Variants in EML6 observed in about 807,000 individuals in gnomAD.
The protein encoded by EML6 is echinoderm microtubule-associated protein-like 6.
In EML6, 154 loss-of-function variants were observed where a neutral mutation model predicts 240.1. That is an observed-to-expected ratio of 0.64 (90% CI 0.56 to 0.73). EML6 has a LOEUF of 0.73. Ranked by LOEUF, EML6 falls within the 30% of genes least tolerant of loss-of-function variation. The probability of loss-of-function intolerance (pLI) is 0.00; values close to 1 mark genes in which losing one functional copy is unlikely to be tolerated. For synonymous variants in EML6, 1,148 were observed against 899.0 expected, an observed-to-expected ratio of 1.28 and a Z score of -4.95; for missense variants, 2,964 against 2,474.6, an observed-to-expected ratio of 1.20 and a Z score of -4.20.
chr2:54,918,214 C>T (rs1481192794), intron 26 of EML6, among the ~76,000 whole-genome samples: 1 of 152,178 alleles, frequency 6.6e-6, no homozygotes, highest in South Asian at 2.1e-4. Context: ...CTCTCCCTTG[C>T]AGCATCATGT....
At chr2:54,761,956 A>C (rs1274244004) in intron 2 of EML6, among the ~76,000 whole-genome samples, 1 of 152,154 alleles carries the variant, frequency 6.6e-6, no homozygotes, top group Non-Finnish European at 1.5e-5. Flanking sequence ...AGTCACTTGT[A>C]TAACCACAGT....
chr2:54,762,456 G>A (rs1242264014), intron 2 of EML6, among the ~76,000 whole-genome samples: 1 of 152,026 alleles, frequency 6.6e-6, no homozygotes, highest in Admixed American at 6.6e-5. Context: ...TAATTATAGA[G>A]TAATTTGAGT....
intron 11 of EML6, 66 bp downstream of exon 11, chr2:54,853,921 G>C: frequency 2.0e-6 from 2 of 988,254 alleles, no homozygotes; most frequent in Non-Finnish European, 2.9e-6. Flanking sequence ...TACAATTAAG[G>C]CTGATCTTCC....
rs192538635 is a variant in EML6 at position 54,865,938 on chromosome 2, G to T, written c.1933-828G>T. On this transcript the variant is annotated intron_variant, in intron 13 of 41. Transcript: ENST00000356458. The stretch of plus-strand genomic sequence containing the variant: ...CAAGACTAGAATTCATTGCTCTAAA[G>T]TAAATAGTTGGTGAGCTGATGAAAG... Among the ~76,000 whole-genome samples the T allele has an allele frequency of 3.9e-3, 589 of 152,272 alleles. 5 individuals carry two copies. Among genetic ancestry groups the T allele is most frequent in the African/African-American group, 0.014 (571 of 41,546 alleles).
At position 54,869,351 on chromosome 2, in the gene EML6, A is replaced by T. The variant is rs201615199; in HGVS notation, c.2222A>T (p.Tyr741Phe). Reference sequence around the variant, plus strand: ...CTGACCATCCATCCAGTGAAGGACTATGTGGCTACTGGGCAGGTATCTATC... The same window carrying T: ...CTGACCATCCATCCAGTGAAGGACTTTGTGGCTACTGGGCAGGTATCTATC... Reference protein sequence around the residue: ...LSLTIHPVKDYVATGQVGRDA... With the variant: ...LSLTIHPVKDFVATGQVGRDA... Residue 741 changes from tyrosine to phenylalanine, a missense_variant, in exon 15 of 42, where the codon TAT becomes TTT. Tyr to Phe is a conservative substitution (Grantham distance 22). Coordinates refer to ENST00000356458, the MANE Select transcript of EML6 (RefSeq NM_001039753.4). 9.0e-6 allele frequency: 14 copies of T among 1,550,806 alleles called. No individual in the cohort carries two copies. The highest frequency in any genetic ancestry group is 1.2e-5 in the Non-Finnish European group (14 of 1,146,338).
At chr2:54,882,873 A>AAAAAAAAAAAAAAAAAAAAAAGAG (rs796515025) in intron 17 of EML6, 2 of 112,412 alleles carry the variant, frequency 1.8e-5, no homozygotes, top group Admixed American at 9.3e-5. Context: ...AAAAAAAAAA[A>AAAAAAAAAAAAAAAAAAAAAAGAG]AGAAAGCTTA....
chr2:54,740,799 G>C (rs2103646063), intron 2 of EML6, among the ~76,000 whole-genome samples: 1 of 151,994 alleles, frequency 6.6e-6, no homozygotes, highest in South Asian at 2.1e-4. Flanking sequence ...CTGCAGAGTA[G>C]ATATGAACAC....
At chr2:54,949,232 C>G (rs1675844417) in intron 29 of EML6, among the ~76,000 whole-genome samples, 1 of 152,156 alleles carries the variant, frequency 6.6e-6, no homozygotes, top group South Asian at 2.1e-4. Flanking sequence ...AAGCCTGGCT[C>G]CGTTTCCCTC....
chr2:54,745,558 C>A (rs926157118), intron 2 of EML6, among the ~76,000 whole-genome samples: 10 of 152,146 alleles, frequency 6.6e-5, no homozygotes, highest in African/African-American at 2.2e-4. Context: ...GGTAGGATCG[C>A]TCAAGCCCAA....
intron 2 of EML6, among the ~76,000 whole-genome samples, chr2:54,771,207 C>G (rs902409822): frequency 2.6e-5 from 4 of 152,180 alleles, no homozygotes; most frequent in Admixed American, 6.5e-5. Context: ...TTTAGGCTCT[C>G]TACCTTCTCA....
chr2:54,890,522 T>C (rs1672409416), intron 17 of EML6, among the ~76,000 whole-genome samples: 1 of 152,162 alleles, frequency 6.6e-6, no homozygotes, highest in Non-Finnish European at 1.5e-5. Context: ...CTCGAATCAA[T>C]AGAAGACATC....
chr2:54,862,795 C>A (rs1249092906), intron 12 of EML6, among the ~76,000 whole-genome samples: 2 of 152,206 alleles, frequency 1.3e-5, no homozygotes, highest in Non-Finnish European at 2.9e-5. Context: ...AAGGAAACCT[C>A]TATAAAACCA....
At chr2:54,860,976 TACAA>T (rs1335252436) in intron 12 of EML6, among the ~76,000 whole-genome samples, 1 of 152,188 alleles carries the variant, frequency 6.6e-6, no homozygotes, top group Non-Finnish European at 1.5e-5. Flanking sequence ...TAAATGGGTT[TACAA>T]ACACTTACAG....
intron 2 of EML6, among the ~76,000 whole-genome samples, chr2:54,801,709 C>A (rs546962713): frequency 1.3e-5 from 2 of 152,186 alleles, no homozygotes; most frequent in Non-Finnish European, 2.9e-5. Flanking sequence ...TGATTTTCTT[C>A]TGAACAAACT....
intron 17 of EML6, among the ~76,000 whole-genome samples, chr2:54,887,713 A>G (rs1015641574): frequency 2.5e-4 from 38 of 152,286 alleles, no homozygotes; most frequent in African/African-American, 8.2e-4. Flanking sequence ...TGTTTTTTCC[A>G]TATGGCTACC....
At chr2:54,944,412 A>G (rs923484416) in intron 28 of EML6, among the ~76,000 whole-genome samples, 3 of 152,132 alleles carry the variant, frequency 2.0e-5, no homozygotes, top group Non-Finnish European at 4.4e-5. Flanking sequence ...TGTGAAGTCT[A>G]TTTCGCCAAC....
In EML6 at chr2:54,820,703, A is replaced by G. The variant is rs112292463; in HGVS notation, c.525+241A>G. Reference sequence around the variant, plus strand: ...CGCAGGCAGCTGAAAAGGAAATTTTATGTTAATTAAATATCGAACTGAAGA... The same window carrying G: ...CGCAGGCAGCTGAAAAGGAAATTTTGTGTTAATTAAATATCGAACTGAAGA... On this transcript the variant is annotated intron_variant, in intron 5 of 41. Transcript: ENST00000356458. Among the ~76,000 whole-genome samples, 56 of 152,290 alleles carry G rather than the reference A, an allele frequency of 3.7e-4. 1 individual carries two copies. The highest frequency in any genetic ancestry group is 1.2e-3 in the African/African-American group (51 of 41,568).
chr2:54,921,077 A>G (rs1288285297), intron 26 of EML6, among the ~76,000 whole-genome samples: 6 of 152,062 alleles, frequency 3.9e-5, no homozygotes, highest in Non-Finnish European at 8.8e-5. Context: ...TTTTCCTTTA[A>G]GATAAGGAAC....
At chr2:54,792,256 C>A (rs1372481974) in intron 2 of EML6, among the ~76,000 whole-genome samples, 2 of 152,090 alleles carry the variant, frequency 1.3e-5, no homozygotes, top group East Asian at 1.9e-4. Context: ...TATATTTTGT[C>A]CCTTTAATTG....
Sources: gnomAD v4.1 joint callset for allele counts (sites outside exome capture counted in the v4.1 genomes callset) on GRCh38, gnomAD v4.1.1 for gene constraint, MANE v1.5 for transcripts, NCBI Gene and HGNC (gene_info 2026-07-23, HGNC 2026-07-21) for gene names.